ALOX12: variants seen among roughly 807,000 people sequenced by gnomAD.
The protein encoded by ALOX12 is polyunsaturated fatty acid lipoxygenase ALOX12.
A neutral mutation model predicts 85.5 loss-of-function variants in ALOX12; 62 were observed. The observed-to-expected ratio is 0.73, with a 90% CI of 0.59 to 0.90. The LOEUF (loss-of-function observed/expected upper bound fraction) is 0.90, where lower values mean the gene tolerates loss of function less well. Among genes scored for constraint, ALOX12 ranks in the 40% least tolerant of loss-of-function variants. The pLI is 0.00. For synonymous variants in ALOX12, 299 were observed against 332.7 expected (o/e 0.90, Z 1.10); for missense variants, 751 against 856.5 (o/e 0.88, Z 1.54).
intron 11 of ALOX12, 45 bp downstream of exon 11, chr17:7,006,652 C>T: frequency 6.6e-7 from 1 of 1,523,048 alleles, no homozygotes; most frequent in South Asian, 1.3e-5. Context: ...GGAGACTCTG[C>T]CAGGGCGCCT....
chr17:6,998,397 A>C (rs2151639018), intron 2 of ALOX12, 112 bp from the exon 3 acceptor site: 1 of 714,536 alleles, frequency 1.4e-6, no homozygotes, highest in East Asian at 2.7e-5. Flanking sequence ...AGATAAAAGC[A>C]ACAGTGCATG....
chr17:6,999,963 G>C (rs558231377), intron 6 of ALOX12, among the ~76,000 whole-genome samples: 1 of 152,196 alleles, frequency 6.6e-6, no homozygotes, highest in Non-Finnish European at 1.5e-5. Context: ...ATTTGAATAG[G>C]GAATGAAAGA....
intron 8 of ALOX12, chr17:7,002,575 A>T (rs947042665): frequency 4.3e-6 from 2 of 466,260 alleles, no homozygotes; most frequent in African/African-American, 4.0e-5. Flanking sequence ...ATTGCTTAAG[A>T]CCAGGAGTTC....
In ALOX12 at chr17:6,996,074, C is replaced by T. The variant is rs907022885; in HGVS notation, c.-44C>T. 1.0e-5 allele frequency: 13 copies of T among 1,240,440 alleles called. No individual in the cohort carries two copies. Among genetic ancestry groups the T allele is most frequent in the Non-Finnish European group, 1.3e-5 (13 of 986,962 alleles). The allele number at this position is 1,240,440 out of a possible 1,614,324, so 76.8% of individuals were successfully genotyped here. A position where few individuals can be genotyped will look rare whatever the true frequency, so the allele number is the denominator to read the frequency against. ...GGCAGCCCTGGGCGGTCCCGGGAAT[C>T]GCACAGGACCCGGCTCCCCTCGCCT... is the stretch of plus-strand genomic sequence containing the variant. On this transcript the variant is annotated 5_prime_UTR_variant, in exon 1 of 14. Coordinates refer to ENST00000251535, the MANE Select transcript of ALOX12 (RefSeq NM_000697.3).
chr17:6,999,908 G>A (rs899493546), intron 6 of ALOX12, among the ~76,000 whole-genome samples: 1 of 152,204 alleles, frequency 6.6e-6, no homozygotes, highest in Non-Finnish European at 1.5e-5. Context: ...GCGGTGGCAG[G>A]GGTAGTAGGG....
At chr17:6,997,851 C>T (rs997796731) in intron 2 of ALOX12, among the ~76,000 whole-genome samples, 2 of 152,008 alleles carry the variant, frequency 1.3e-5, no homozygotes, top group African/African-American at 2.4e-5. Context: ...TGAGCCACCA[C>T]GCCCGGCCCA....
At chr17:6,997,084 A>G (rs867235749) in intron 2 of ALOX12, 57 bp downstream of exon 2, 1 of 1,490,002 alleles carries the variant, frequency 6.7e-7, no homozygotes, top group Non-Finnish European at 9.0e-7. Context: ...CTGCGGGGCT[A>G]GGAGGGCAGA....
chr17:6,996,240 C>A lies in ALOX12; in HGVS notation c.123C>A (p.Pro41=), dbSNP rs312467. The A allele has an allele frequency of 2.2e-5, 28 of 1,245,532 alleles. No homozygotes were observed. In the African/African-American group the frequency reaches 3.6e-4, roughly 16 times the overall value. The allele number at this position is 1,245,532 out of a possible 1,614,324, so 77.2% of individuals were successfully genotyped here. A position where few individuals can be genotyped will look rare whatever the true frequency, so the allele number is the denominator to read the frequency against. Residue 41 remains proline (P), a synonymous_variant, in exon 1 of 14, where the codon CCC becomes CCA. Coordinates refer to ENST00000251535, the MANE Select transcript of ALOX12 (RefSeq NM_000697.3). ...GEAELELQLR[P]ARGEEEEFDH... is the part of the protein sequence containing the mutation. ...CGGAGCTGGAGCTGCAGCTGCGGCC[C>A]GCGCGGGGCGAGGTCAGCGCGGGGA...
intron 5 of ALOX12, 87 bp from the exon 6 acceptor site, chr17:6,999,219 G>A (rs1908591582): frequency 1.3e-6 from 2 of 1,564,724 alleles, no homozygotes; most frequent in Non-Finnish European, 1.8e-6. Context: ...TTCAGGGAGG[G>A]TTATATACCT....
In ALOX12 at chr17:7,005,363, T is replaced by C. The variant is rs377123963; in HGVS notation, c.1248+20T>C. On this transcript the variant is annotated intron_variant, in intron 9 of 13. Transcript: ENST00000251535. The stretch of plus-strand genomic sequence containing the variant: ...GATAAGGTGAGGAGGGTACGGGGCA[T>C]GGGACTGCCTCATCCATCTCTCCAT... 20 of 1,582,728 alleles carry C rather than the reference T, an allele frequency of 1.3e-5. No individual in the cohort carries two copies. The highest frequency in any genetic ancestry group is 1.7e-5 in the Non-Finnish European group (20 of 1,151,848).
At position 7,006,119 on chromosome 17, in the gene ALOX12, AAGG is replaced by A; in HGVS notation, c.1418+95_1418+97del. ...TGGGGCAAAAGCAAGAAGGTCCAGA[AAGG>A]AGAAGCAGAGAACTCAATCCTGGGG... On this transcript the variant is annotated intron_variant, in intron 10 of 13. Coordinates refer to ENST00000251535, the MANE Select transcript of ALOX12 (RefSeq NM_000697.3). 4.9e-6 allele frequency: 5 copies of A among 1,013,792 alleles called. No homozygotes were observed. The South Asian group carries it at 7.5e-5, about 15-fold the overall frequency. The allele number at this position is 1,013,792 out of a possible 1,614,324, so 62.8% of individuals were successfully genotyped here.
intron 8 of ALOX12, chr17:7,002,469 G>C (rs1346810912): frequency 2.1e-6 from 1 of 468,702 alleles, no homozygotes; most frequent in African/African-American, 2.0e-5. Context: ...CCTGGGGCAG[G>C]TGTGTTATAC....
rs751378817 is a variant in ALOX12, at chr17:7,006,558, C to T, written c.1491C>T (p.Ala497=). 1 of 1,613,414 alleles carries T rather than the reference C, an allele frequency of 6.2e-7. No individual in the cohort carries two copies. The highest frequency in any genetic ancestry group is 1.1e-5 in the South Asian group (1 of 91,056). ...DIVKGDPELQ[A]WCREITEVGL... ...TGAAGGGGGACCCTGAGCTGCAGGCCTGGTGTCGGGAGATCACGGAGGTGG... is the reference window on the plus strand; with the variant it reads ...TGAAGGGGGACCCTGAGCTGCAGGCTTGGTGTCGGGAGATCACGGAGGTGG... Residue 497 remains alanine (A), a synonymous_variant, in exon 11 of 14, where the codon GCC becomes GCT. Transcript: ENST00000251535.
intron 8 of ALOX12, chr17:7,002,014 T>G: frequency 1.7e-6 from 1 of 589,468 alleles, no homozygotes; most frequent in South Asian, 2.0e-5. Flanking sequence ...TCTGAAATTC[T>G]CAGAGATCTG....
intron 8 of ALOX12, 25 bp from the exon 9 acceptor site, chr17:7,005,232 C>T (rs1597324226): frequency 8.1e-6 from 13 of 1,599,634 alleles, no homozygotes; most frequent in Non-Finnish European, 1.1e-5. Flanking sequence ...CCACCAGTCA[C>T]GCCCTCCAAT....
At chr17:7,009,078 G>C (rs1241158484) in intron 11 of ALOX12, among the ~76,000 whole-genome samples, 1 of 97,906 alleles carries the variant, frequency 1.0e-5, no homozygotes, top group African/African-American at 3.9e-5. Flanking sequence ...TTTTTTTTTT[G>C]AGACAGACTC....
intron 8 of ALOX12, among the ~76,000 whole-genome samples, chr17:7,004,360 T>G (rs1908918226): frequency 1.9e-5 from 1 of 53,036 alleles, no homozygotes; most frequent in South Asian, 9.4e-4. Flanking sequence ...TATTTTTAAT[T>G]TTAATATTAA....
At chr17:7,002,766 C>CT (rs11571338) in intron 8 of ALOX12, 135,522 of 238,842 alleles carry the variant, frequency 0.57, 39,681 homozygotes, top group Admixed American at 0.66. Flanking sequence ...ATACAGGGAA[C>CT]TTGGCAGAGG....
intron 1 of ALOX12, 133 bp from the exon 2 acceptor site, chr17:6,996,693 G>A: frequency 1.8e-6 from 2 of 1,132,648 alleles, no homozygotes; most frequent in South Asian, 1.7e-5. Flanking sequence ...CAGGTTGTGC[G>A]GGGGCGGGAA....
Sources: allele counts gnomAD v4.1 joint callset (sites outside exome capture counted in the v4.1 genomes callset), GRCh38; gene constraint gnomAD v4.1.1; transcripts MANE v1.5; gene names NCBI Gene and HGNC (gene_info 2026-07-23, HGNC 2026-07-21).